CHMP4B: variants seen among roughly 807,000 people sequenced by gnomAD.
CHMP4B encodes charged multivesicular body protein 4B.
In CHMP4B, 1 loss-of-function variant was observed where a neutral mutation model predicts 25.1. The ratio of observed to expected loss-of-function variants is 0.04; its 90% CI spans 0.01 to 0.19. CHMP4B has a LOEUF of 0.19. Ranked by LOEUF, CHMP4B falls within the 10% of genes least tolerant of loss-of-function variation. CHMP4B has a pLI of 1.00. For synonymous variants in CHMP4B, 101 were observed against 115.6 expected (o/e 0.87, Z 0.81); for missense variants, 151 against 289.7 (o/e 0.52, Z 3.48).
chr20:33,814,592 G>A (rs1416787894), intron 1 of CHMP4B, among the ~76,000 whole-genome samples: 1 of 152,152 alleles, frequency 6.6e-6, no homozygotes, highest in Non-Finnish European at 1.5e-5. Context: ...ACTGAGAGTG[G>A]CCTGTAGTCT....
At chr20:33,844,071 G>C (rs1025578951) in intron 1 of CHMP4B, among the ~76,000 whole-genome samples, 1 of 152,238 alleles carries the variant, frequency 6.6e-6, no homozygotes, top group Non-Finnish European at 1.5e-5. Flanking sequence ...GGGGAGTCCT[G>C]GGGGGATACC....
At chr20:33,811,808 C>G in intron 1 of CHMP4B, 150 bp downstream of exon 1, 1 of 783,592 alleles carries the variant, frequency 1.3e-6, no homozygotes, top group Non-Finnish European at 2.2e-6. Context: ...ACCCCCTCCC[C>G]GACTCCCTTC....
intron 1 of CHMP4B, among the ~76,000 whole-genome samples, chr20:33,832,248 AGAAAAG>A (rs1979272768): frequency 6.6e-6 from 1 of 152,184 alleles, no homozygotes; most frequent in South Asian, 2.1e-4. Context: ...AAGCAGAGGA[AGAAAAG>A]CCAGTCGGAA....
chr20:33,833,989 G>A (rs776725545), intron 1 of CHMP4B, among the ~76,000 whole-genome samples: 84 of 152,254 alleles, frequency 5.5e-4, no homozygotes, highest in Admixed American at 3.4e-3. Context: ...CATCTAAGCC[G>A]TTGCATCCTT....
chr20:33,812,307 GT>G (rs1165097868), intron 1 of CHMP4B, among the ~76,000 whole-genome samples: 1 of 152,182 alleles, frequency 6.6e-6, no homozygotes, highest in African/African-American at 2.4e-5. Flanking sequence ...GGCCTAAGGT[GT>G]TTTCCAGCGT....
chr20:33,819,002 C>T (rs1474598631), intron 1 of CHMP4B, among the ~76,000 whole-genome samples: 3 of 152,068 alleles, frequency 2.0e-5, no homozygotes, highest in Admixed American at 1.3e-4. Context: ...CTCTGCCTCC[C>T]GGGTTCAAGT....
chr20:33,822,217 C>T (rs1205614221), intron 1 of CHMP4B, among the ~76,000 whole-genome samples: 2 of 152,114 alleles, frequency 1.3e-5, no homozygotes, highest in African/African-American at 2.4e-5. Flanking sequence ...GATCTTGGCT[C>T]ACTGCAACCT....
chr20:33,841,765 C>T (rs1979549119), intron 1 of CHMP4B, among the ~76,000 whole-genome samples: 1 of 152,148 alleles, frequency 6.6e-6, no homozygotes, highest in South Asian at 2.1e-4. Flanking sequence ...GAGAGCAAAC[C>T]AGGTAGCTTT....
chr20:33,853,355 T>A (rs773671786), intron 4 of CHMP4B, 141 bp from the exon 5 acceptor site: 1 of 771,432 alleles, frequency 1.3e-6, no homozygotes, highest in Non-Finnish European at 2.3e-6. Flanking sequence ...CAAGGAGCAG[T>A]CTCCCTACAG....
At chr20:33,833,633 A>G (rs1979314380) in intron 1 of CHMP4B, among the ~76,000 whole-genome samples, 1 of 152,176 alleles carries the variant, frequency 6.6e-6, no homozygotes, top group Admixed American at 6.5e-5. Context: ...TTAACAAGAC[A>G]TCCAAGTCTG....
intron 3 of CHMP4B, among the ~76,000 whole-genome samples, chr20:33,851,465 G>A (rs558180470): frequency 1.4e-4 from 22 of 152,210 alleles, no homozygotes; most frequent in South Asian, 4.2e-4. Context: ...CCCCTGACCC[G>A]GGGTATCTGT....
chr20:33,847,833 T>C (rs1306696460), intron 1 of CHMP4B, among the ~76,000 whole-genome samples: 1 of 152,200 alleles, frequency 6.6e-6, no homozygotes. Context: ...AAGAACATCA[T>C]GATGGTTGTT....
chr20:33,832,193 C>G (rs1394751467), intron 1 of CHMP4B, among the ~76,000 whole-genome samples: 3 of 152,186 alleles, frequency 2.0e-5, no homozygotes. Flanking sequence ...TGCTCTCATG[C>G]TTGCTCAGGC....
At chr20:33,840,857 A>G (rs527427973) in intron 1 of CHMP4B, among the ~76,000 whole-genome samples, 7 of 152,276 alleles carry the variant, frequency 4.6e-5, no homozygotes, top group African/African-American at 1.7e-4. Context: ...AATCCTCACA[A>G]TAACCCTATG....
intron 1 of CHMP4B, among the ~76,000 whole-genome samples, chr20:33,836,462 T>C (rs994713348): frequency 3.9e-5 from 6 of 151,974 alleles, no homozygotes; most frequent in African/African-American, 1.5e-4. Context: ...AGAAGAATTA[T>C]GAGGCTTTTC....
intron 4 of CHMP4B, among the ~76,000 whole-genome samples, chr20:33,853,040 C>T (rs963635767): frequency 6.6e-6 from 1 of 152,178 alleles, no homozygotes; most frequent in Non-Finnish European, 1.5e-5. Flanking sequence ...AGGGAACGGC[C>T]TCCTCAAGTA....
In CHMP4B at chr20:33,811,530, C is replaced by A. The variant is rs1213952091; in HGVS notation, c.62C>A (p.Thr21Asn). Residue 21 changes from threonine (T) to asparagine (N), a missense_variant, in exon 1 of 5, where the codon ACC (threonine) becomes AAC (asparagine). By Grantham distance (65) the Thr-to-Asn change is moderately conservative. Transcript: ENST00000217402. Reference sequence around the variant, plus strand: ...GGTAAGGCCGGCAAGGGCGGCCCGACCCCCCAGGAGGCCATCCAGCGGCTG... The same window carrying A: ...GGTAAGGCCGGCAAGGGCGGCCCGAACCCCCAGGAGGCCATCCAGCGGCTG... The part of the protein sequence containing the change: ...GGGKAGKGGP[T>N]PQEAIQRLRD... 1.9e-6 allele frequency: 3 copies of A among 1,608,614 alleles called. No individual in the cohort carries two copies. The highest frequency in any genetic ancestry group is 2.5e-6 in the Non-Finnish European group (3 of 1,177,670).
chr20:33,820,420 G>A (rs911257004), intron 1 of CHMP4B, among the ~76,000 whole-genome samples: 2 of 152,218 alleles, frequency 1.3e-5, no homozygotes, highest in East Asian at 3.8e-4. Context: ...CATTTTCAAA[G>A]ATGGTAGCTA....
At chr20:33,840,694 T>G (rs777959276) in intron 1 of CHMP4B, among the ~76,000 whole-genome samples, 7 of 152,246 alleles carry the variant, frequency 4.6e-5, no homozygotes. Flanking sequence ...TTCTTGTCTT[T>G]TCTTTCCTTT....
Sources: gnomAD v4.1 joint callset for allele counts (sites outside exome capture counted in the v4.1 genomes callset) on GRCh38, gnomAD v4.1.1 for gene constraint, MANE v1.5 for transcripts, NCBI Gene and HGNC (gene_info 2026-07-23, HGNC 2026-07-21) for gene names.